The following KDM2A variants were observed in gnomAD, a reference collection of about 807,000 sequenced individuals.
KDM2A encodes the protein lysine-specific demethylase 2A.
KDM2A carries 3 observed loss-of-function variants against 137.3 expected under a neutral mutation model. The observed-to-expected ratio is 0.02, with a 90% CI of 0.01 to 0.06. The LOEUF is 0.06. Ranked by LOEUF, KDM2A falls within the 10% of genes least tolerant of loss-of-function variation. The pLI, the probability that KDM2A is intolerant of heterozygous loss-of-function variation, is 1.00. For synonymous variants in KDM2A, 512 were observed against 541.5 expected (o/e 0.95, Z 0.76); for missense variants, 738 against 1,510.6 (o/e 0.49, Z 8.48).
intron 10 of KDM2A, chr11:67,219,805 C>T (rs1858284170): frequency 6.6e-6 from 1 of 152,514 alleles, no homozygotes; most frequent in Admixed American, 6.5e-5. Context: ...CCCACCTCAG[C>T]CTCCCAAAGT....
chr11:67,250,075 C>G lies in KDM2A; in HGVS notation c.2056-11C>G, dbSNP rs1007918128. The G allele has an allele frequency of 6.4e-7, 1 of 1,566,362 alleles. No homozygotes were observed. The highest frequency in any genetic ancestry group is 1.4e-5 in the African/African-American group (1 of 73,364). ...AAGCACTGATGTTGCTTTTCTGGGC[C>G]TGTTTTGCAGAAGCGGAAAATGGAA... On this transcript the variant is annotated splice_polypyrimidine_tract_variant and intron_variant, in intron 16 of 20. Transcript: ENST00000529006. The surrounding 1 kb of genome is among the most constrained non-coding windows in gnomAD (Gnocchi z 7.1).
rs1300139520 is a variant in KDM2A at position 67,256,772 on chromosome 11, T to C, written c.*1717T>C. The C allele has an allele frequency of 6.6e-6, 1 of 152,666 alleles. No individual in the cohort carries two copies. The highest frequency in any genetic ancestry group is 1.5e-5 in the Non-Finnish European group (1 of 68,054). The allele number at this position is 152,666 out of a possible 1,614,324, so 9.5% of individuals were successfully genotyped here. ...TTTTGACCCTGGCATTAACTGGCCT[T>C]AGAAGAAACTGGATCCTGGTAGGGG... On this transcript the variant is annotated 3_prime_UTR_variant, in exon 21 of 21. Coordinates refer to ENST00000529006, the MANE Select transcript of KDM2A (RefSeq NM_012308.3).
chr11:67,212,850 C>T (rs897408000), intron 6 of KDM2A, among the ~76,000 whole-genome samples: 1 of 151,726 alleles, frequency 6.6e-6, no homozygotes, highest in African/African-American at 2.4e-5. Flanking sequence ...GAGCTTACAG[C>T]GTATTAAGCA....
intron 5 of KDM2A, among the ~76,000 whole-genome samples, chr11:67,185,411 C>T (rs765590925): frequency 1.2e-4 from 18 of 152,058 alleles, no homozygotes; most frequent in Non-Finnish European, 1.9e-4. Context: ...GCGGGTGGAT[C>T]ACTTGAGGTC....
At chr11:67,170,189 A>G (rs907740909) in intron 2 of KDM2A, among the ~76,000 whole-genome samples, 2 of 152,178 alleles carry the variant, frequency 1.3e-5, no homozygotes, top group African/African-American at 4.8e-5. Flanking sequence ...CTGATTAGAA[A>G]TAGCAGTGTT....
chr11:67,226,994 T>G (rs1380526622), intron 10 of KDM2A, among the ~76,000 whole-genome samples: 3 of 152,112 alleles, frequency 2.0e-5, no homozygotes, highest in Non-Finnish European at 4.4e-5. Context: ...TTTAGGATAG[T>G]CCCCATCATT....
At chr11:67,171,669 T>C (rs1452694916) in intron 2 of KDM2A, among the ~76,000 whole-genome samples, 1 of 152,254 alleles carries the variant, frequency 6.6e-6, no homozygotes, top group African/African-American at 2.4e-5. Flanking sequence ...AATAAATCCA[T>C]CATTCGTCTT....
At position 67,207,517 on chromosome 11, in the gene KDM2A, T is replaced by A. The variant is rs745757617; in HGVS notation, c.315T>A (p.Arg105=). 1 of 1,594,454 alleles carries A rather than the reference T, an allele frequency of 6.3e-7. No individual in the cohort carries two copies. Among genetic ancestry groups the A allele is most frequent in the Non-Finnish European group, 8.6e-7 (1 of 1,167,110 alleles). Residue 105 remains arginine (R), a synonymous_variant, in exon 6 of 21, where the codon CGT becomes CGA. Transcript: ENST00000529006. ...ATGCATCTTTTATGGCAGGGAGTCG[T>A]CGCATGGTGGATGTCATGGACGTGA... ...VNDVKMCVGS[R]RMVDVMDVNT... is the part of the protein sequence containing the mutation.
intron 10 of KDM2A, among the ~76,000 whole-genome samples, chr11:67,225,119 C>T (rs1181273880): frequency 6.6e-6 from 1 of 152,070 alleles, no homozygotes; most frequent in Non-Finnish European, 1.5e-5. Context: ...TGAGCCATCA[C>T]GCCCGGCGGC....
At chr11:67,149,583 A>G (rs911839794) in intron 2 of KDM2A, among the ~76,000 whole-genome samples, 2 of 152,020 alleles carry the variant, frequency 1.3e-5, no homozygotes, top group Admixed American at 6.6e-5. Flanking sequence ...AGATGTAATC[A>G]TTTTATTAGT....
chr11:67,190,354 G>C (rs1387670284), intron 5 of KDM2A, among the ~76,000 whole-genome samples: 2 of 152,074 alleles, frequency 1.3e-5, no homozygotes, highest in Non-Finnish European at 1.5e-5. Context: ...AGGTTGCAGC[G>C]AGCCAAGATT....
intron 2 of KDM2A, among the ~76,000 whole-genome samples, chr11:67,176,072 AC>A (rs527470740): frequency 1.2e-3 from 185 of 152,156 alleles, no homozygotes; most frequent in African/African-American, 4.1e-3. Context: ...TCAAAATTAA[AC>A]CTTCTTTTGG....
At chr11:67,241,709 A>G (rs1344265964) in intron 12 of KDM2A, among the ~76,000 whole-genome samples, 1 of 152,342 alleles carries the variant, frequency 6.6e-6, no homozygotes, top group Non-Finnish European at 1.5e-5. Flanking sequence ...TTTAGGGCTC[A>G]TAAGGTCAGA....
intron 2 of KDM2A, among the ~76,000 whole-genome samples, chr11:67,157,531 G>A (rs1040027127): frequency 6.6e-6 from 1 of 151,686 alleles, no homozygotes; most frequent in Non-Finnish European, 1.5e-5. Flanking sequence ...GATCACCTGA[G>A]GTCAGGGGTT....
At chr11:67,184,884 G>T (rs1857169952) in intron 5 of KDM2A, among the ~76,000 whole-genome samples, 1 of 152,064 alleles carries the variant, frequency 6.6e-6, no homozygotes, top group Non-Finnish European at 1.5e-5. Flanking sequence ...AAACCCTGGG[G>T]AAGGGAGAGA....
At chr11:67,231,460 A>G (rs1251231961) in intron 11 of KDM2A, 106 bp from the exon 12 acceptor site, 1 of 1,024,282 alleles carries the variant, frequency 9.8e-7, no homozygotes, top group Non-Finnish European at 1.4e-6. Context: ...AAATGTGGTA[A>G]TTTTGTCATT....
At chr11:67,133,729 A>G (rs1855908700) in intron 2 of KDM2A, among the ~76,000 whole-genome samples, 1 of 144,642 alleles carries the variant, frequency 6.9e-6, no homozygotes. Context: ...TTTTTGAGAC[A>G]GAGTCTCTGG....
intron 15 of KDM2A, among the ~76,000 whole-genome samples, chr11:67,247,289 C>T (rs530241886): frequency 2.7e-5 from 4 of 149,162 alleles, no homozygotes; most frequent in South Asian, 2.1e-4. Context: ...GGGGTGTCAC[C>T]GTGTTGGCCA....
chr11:67,218,621 T>A (rs1858240401), intron 9 of KDM2A, among the ~76,000 whole-genome samples: 1 of 152,142 alleles, frequency 6.6e-6, no homozygotes, highest in Admixed American at 6.5e-5. Flanking sequence ...TTATTTATTT[T>A]GAGATGGAGT....
Sources: allele counts gnomAD v4.1 joint callset (sites outside exome capture counted in the v4.1 genomes callset), GRCh38; gene constraint gnomAD v4.1.1; non-coding constraint Gnocchi (gnomAD v3.1); transcripts MANE v1.5; gene names NCBI Gene and HGNC (gene_info 2026-07-23, HGNC 2026-07-21).